Variants in PRSS23 observed in about 807,000 individuals in gnomAD.
PRSS23 encodes serine protease 23, also known as protease, serine 23.
Under a neutral mutation model 34.7 loss-of-function variants are expected in PRSS23, and 25 were observed. The observed-to-expected ratio is 0.72, with a 90% CI of 0.53 to 1.01. The LOEUF (loss-of-function observed/expected upper bound fraction) is 1.01, where lower values mean the gene tolerates loss of function less well. Ranked by LOEUF, PRSS23 falls within the 50% of genes least tolerant of loss-of-function variation. The probability of loss-of-function intolerance (pLI) is 0.00; values close to 1 mark genes in which losing one functional copy is unlikely to be tolerated. For synonymous variants in PRSS23, 176 were observed against 186.6 expected, an observed-to-expected ratio of 0.94 and a Z score of 0.46; for missense variants, 445 against 475.6, an observed-to-expected ratio of 0.94 and a Z score of 0.60.
At chr11:86,920,152 G>T (rs995220630) in intron 2 of PRSS23, among the ~76,000 whole-genome samples, 2 of 152,164 alleles carry the variant, frequency 1.3e-5, no homozygotes, top group African/African-American at 4.8e-5. Context: ...CAAGACTGAA[G>T]ATTTTACTGT....
chr11:86,864,814 G>C (rs1948639844), intron 2 of PRSS23, among the ~76,000 whole-genome samples: 1 of 152,196 alleles, frequency 6.6e-6, no homozygotes, highest in Non-Finnish European at 1.5e-5. Context: ...TCATTCCTTG[G>C]ATGGTGGCCC....
intron 2 of PRSS23, among the ~76,000 whole-genome samples, chr11:86,824,379 T>TA (rs1184467733): frequency 6.8e-6 from 1 of 147,588 alleles, no homozygotes; most frequent in Non-Finnish European, 1.5e-5. Context: ...ATAAATAAAA[T>TA]AAAAAAACAA....
chr11:86,867,285 C>T (rs1182141879), intron 2 of PRSS23, among the ~76,000 whole-genome samples: 1 of 152,210 alleles, frequency 6.6e-6, no homozygotes, highest in Non-Finnish European at 1.5e-5. Flanking sequence ...CAAGCTGGCT[C>T]TCAAAACTAT....
intron 2 of PRSS23, among the ~76,000 whole-genome samples, chr11:86,932,256 T>G (rs1193424700): frequency 6.6e-6 from 1 of 152,180 alleles, no homozygotes; most frequent in Non-Finnish European, 1.5e-5. Context: ...TTGCCAGAAG[T>G]CGTTTTCTAC....
At chr11:86,894,002 TTTTG>T (rs776997596) in intron 2 of PRSS23, among the ~76,000 whole-genome samples, 3 of 152,022 alleles carry the variant, frequency 2.0e-5, no homozygotes, top group Non-Finnish European at 2.9e-5. Context: ...TGTCTTCCGT[TTTTG>T]TTTGTTTGTT....
intron 2 of PRSS23, chr11:86,837,699 A>G (rs1948417438): frequency 2.0e-5 from 3 of 152,242 alleles, no homozygotes; most frequent in African/African-American, 7.2e-5. Flanking sequence ...CCTGGGATGC[A>G]GAGGCTACAG....
chr11:86,918,573 A>T (rs1949028481), intron 2 of PRSS23, among the ~76,000 whole-genome samples: 1 of 152,156 alleles, frequency 6.6e-6, no homozygotes, highest in African/African-American at 2.4e-5. Context: ...CTGACATCCT[A>T]TATATTTTAC....
chr11:86,879,291 G>A (rs1422002351), intron 2 of PRSS23, among the ~76,000 whole-genome samples: 4 of 149,948 alleles, frequency 2.7e-5, no homozygotes, highest in African/African-American at 9.9e-5. Context: ...TCTGGGAGGT[G>A]AGGAGCGTCT....
chr11:86,798,123 T>G (rs1401638000), upstream of PRSS23, among the ~76,000 whole-genome samples: 1 of 152,254 alleles, frequency 6.6e-6, no homozygotes, highest in Non-Finnish European at 1.5e-5. Context: ...TCCTTCCAGC[T>G]GCACCTCCAG....
chr11:86,931,666 T>C (rs139804662), intron 2 of PRSS23, among the ~76,000 whole-genome samples: 6 of 152,302 alleles, frequency 3.9e-5, no homozygotes, highest in Non-Finnish European at 7.3e-5. Flanking sequence ...AGTTACCCAG[T>C]GTATACAACT....
At chr11:86,952,088 A>G in exon 3 of PRSS23, 1 of 1,614,154 alleles carries the variant, frequency 6.2e-7, no homozygotes, top group Non-Finnish European at 8.5e-7. Flanking sequence ...CCACACAGCC[A>G]TCCAGATATC....
chr11:86,931,710 G>A (rs1949127010), intron 2 of PRSS23, among the ~76,000 whole-genome samples: 1 of 152,110 alleles, frequency 6.6e-6, no homozygotes, highest in Non-Finnish European at 1.5e-5. Context: ...AGCTGGACTT[G>A]TGCTTTTTAT....
At chr11:86,796,725 A>G (rs1947984025), upstream of PRSS23, among the ~76,000 whole-genome samples, 1 of 151,782 alleles carries the variant, frequency 6.6e-6, no homozygotes, top group South Asian at 2.1e-4. Context: ...CACTAAGCAT[A>G]GATACAATTT....
intron 2 of PRSS23, among the ~76,000 whole-genome samples, chr11:86,927,508 A>AT (rs1364261407): frequency 6.6e-6 from 1 of 151,584 alleles, no homozygotes; most frequent in South Asian, 2.1e-4. Context: ...CATTTTTTAA[A>AT]TTTTTTTTTA....
chr11:86,806,818 AT>A (rs1948106720), intron 1 of PRSS23, among the ~76,000 whole-genome samples: 1 of 152,254 alleles, frequency 6.6e-6, no homozygotes, highest in Admixed American at 6.5e-5. Flanking sequence ...TAATACAGAT[AT>A]AAACAACTGA....
At chr11:86,794,362 CAT>C (rs1947968354) in intron 1 of PRSS23, among the ~76,000 whole-genome samples, 1 of 152,130 alleles carries the variant, frequency 6.6e-6, no homozygotes, top group Non-Finnish European at 1.5e-5. Context: ...ATGAGAAACA[CAT>C]AGTTATTCCA....
At chr11:86,882,496 A>G (rs1228626995) in intron 2 of PRSS23, among the ~76,000 whole-genome samples, 1 of 151,628 alleles carries the variant, frequency 6.6e-6, no homozygotes, top group Non-Finnish European at 1.5e-5. Flanking sequence ...GCTAAGGATA[A>G]TGGCCTCCAG....
At chr11:86,875,261 C>T (rs1208877273) in intron 2 of PRSS23, among the ~76,000 whole-genome samples, 5 of 152,254 alleles carry the variant, frequency 3.3e-5, no homozygotes, top group South Asian at 2.1e-4. Context: ...ATCCCAGCTA[C>T]TCAGGAGGCT....
At chr11:86,939,393 T>TAAAA (rs778076028) in intron 2 of PRSS23, among the ~76,000 whole-genome samples, 2,367 of 83,310 alleles carry the variant, frequency 0.028, 80 homozygotes, top group Non-Finnish European at 0.036. Flanking sequence ...ATTTCTCAGT[T>TAAAA]AAAAAAAAAA....
Sources: gnomAD v4.1 joint callset for allele counts (sites outside exome capture counted in the v4.1 genomes callset) on GRCh38, gnomAD v4.1.1 for gene constraint, MANE v1.5 for transcripts, NCBI Gene and HGNC (gene_info 2026-07-23, HGNC 2026-07-21) for gene names.